Variants in CACNA2D3 observed in about 807,000 individuals in gnomAD.
CACNA2D3 encodes voltage-dependent calcium channel subunit alpha-2/delta-3.
In CACNA2D3, 60 loss-of-function variants were observed where a neutral mutation model predicts 160.6. That is an observed-to-expected ratio of 0.37 (90% CI 0.30 to 0.46). The LOEUF is 0.46. Ranked by LOEUF, CACNA2D3 falls within the 20% of genes least tolerant of loss-of-function variation. CACNA2D3 has a pLI of 1.00. For missense variants in CACNA2D3, 1,205 were observed against 1,365.0 expected, an observed-to-expected ratio of 0.88 and a Z score of 1.85; for synonymous variants, 558 against 492.9, an observed-to-expected ratio of 1.13 and a Z score of -1.75.
At chr3:54,400,269 T>C (rs1025192482) in intron 4 of CACNA2D3, among the ~76,000 whole-genome samples, 1 of 151,692 alleles carries the variant, frequency 6.6e-6, no homozygotes, top group Non-Finnish European at 1.5e-5. Flanking sequence ...TCTGTGTCGC[T>C]CACGCTGGGA....
chr3:54,755,495 T>C (rs2107076169), intron 12 of CACNA2D3, among the ~76,000 whole-genome samples: 1 of 152,340 alleles, frequency 6.6e-6, no homozygotes, highest in South Asian at 2.1e-4. Flanking sequence ...TGGAAGTTTT[T>C]AACATATCCT....
chr3:54,777,033 C>T (rs1223562814), intron 13 of CACNA2D3, among the ~76,000 whole-genome samples: 1 of 152,158 alleles, frequency 6.6e-6, no homozygotes, highest in East Asian at 1.9e-4. Context: ...CTCTTATTAC[C>T]AGCATGAAGA....
chr3:54,187,456 A>G (rs143358563), intron 2 of CACNA2D3, among the ~76,000 whole-genome samples: 14 of 152,258 alleles, frequency 9.2e-5, no homozygotes, highest in African/African-American at 2.9e-4. Context: ...CATCTGAATA[A>G]AGGAAGTAGA....
chr3:54,422,895 C>A (rs1160070170), intron 4 of CACNA2D3, among the ~76,000 whole-genome samples: 1 of 152,172 alleles, frequency 6.6e-6, no homozygotes, highest in African/African-American at 2.4e-5. Flanking sequence ...GACTAACTGC[C>A]TAAATGTTTG....
intron 3 of CACNA2D3, among the ~76,000 whole-genome samples, chr3:54,360,172 A>G (rs1229117562): frequency 6.6e-6 from 1 of 152,184 alleles, no homozygotes; most frequent in Admixed American, 6.5e-5. Context: ...CTGAAACTGC[A>G]GAGTTGGCCA....
chr3:54,968,410 G>C (rs1416992997), intron 27 of CACNA2D3, 40 bp from the exon 28 acceptor site: 4 of 1,309,304 alleles, frequency 3.1e-6, no homozygotes, highest in South Asian at 2.5e-5. Context: ...ATTGTGTAAA[G>C]GGATCACTAA....
chr3:54,278,419 T>G (rs1337513032), intron 2 of CACNA2D3, among the ~76,000 whole-genome samples: 3 of 152,292 alleles, frequency 2.0e-5, no homozygotes, highest in Non-Finnish European at 4.4e-5. Flanking sequence ...CCTGTGGAAG[T>G]CAGTGTGGTG....
rs566662166 is a variant in CACNA2D3, at chr3:54,316,742, C to T, written c.205-3700C>T. Among the ~76,000 whole-genome samples the T allele has an allele frequency of 1.4e-4, 21 of 152,268 alleles. No individual in the cohort carries two copies. The East Asian group carries it at 3.1e-3, about 22-fold the overall frequency. On this transcript the variant is annotated intron_variant, in intron 2 of 37. Coordinates refer to ENST00000474759, the MANE Select transcript of CACNA2D3 (RefSeq NM_018398.3). The stretch of plus-strand genomic sequence containing the variant: ...AAGCCAGGGGCTTCTGTTCACAGAG[C>T]AGACTCAGAAGAAAAAAGTGGGATA...
chr3:54,170,467 T>G (rs1559870802), intron 2 of CACNA2D3, among the ~76,000 whole-genome samples: 1 of 152,242 alleles, frequency 6.6e-6, no homozygotes, highest in Non-Finnish European at 1.5e-5. Context: ...TAAGTCTTAA[T>G]GGCCAGATTT....
chr3:54,723,229 C>A (rs535837358), intron 11 of CACNA2D3, among the ~76,000 whole-genome samples: 3 of 152,318 alleles, frequency 2.0e-5, no homozygotes, highest in African/African-American at 4.8e-5. Context: ...CAATGGCGGA[C>A]GTCCCTCCTC....
intron 11 of CACNA2D3, among the ~76,000 whole-genome samples, chr3:54,690,328 A>G (rs1297608957): frequency 2.0e-5 from 3 of 151,950 alleles, no homozygotes; most frequent in Non-Finnish European, 4.4e-5. Flanking sequence ...CTACTTTCTT[A>G]CATACTTTAT....
chr3:54,839,836 C>G (rs1216392924), intron 16 of CACNA2D3, among the ~76,000 whole-genome samples: 1 of 152,168 alleles, frequency 6.6e-6, no homozygotes. Context: ...TCCAATCCCT[C>G]GTTCCCCAGC....
rs1702030223 is a variant in CACNA2D3 at position 54,758,931 on chromosome 3, TA to T, written c.1247-5286del. Reference sequence around the variant, plus strand: ...CTGCCCACTGAGGACAGACTCCTGGTACCCTTGGATCTGGTCATTGCAAAGT... The same window carrying T: ...CTGCCCACTGAGGACAGACTCCTGGTCCCTTGGATCTGGTCATTGCAAAGT... On this transcript the variant is annotated intron_variant, in intron 12 of 37. Coordinates refer to ENST00000474759, the MANE Select transcript of CACNA2D3 (RefSeq NM_018398.3). Among the ~76,000 whole-genome samples, 3 of 152,218 alleles carry T rather than the reference TA, an allele frequency of 2.0e-5. No homozygotes were observed. In the South Asian group the frequency reaches 6.2e-4, roughly 32 times the overall value.
chr3:54,646,508 T>C (rs1250081163), intron 11 of CACNA2D3, among the ~76,000 whole-genome samples: 1 of 152,068 alleles, frequency 6.6e-6, no homozygotes, highest in Non-Finnish European at 1.5e-5. Context: ...TTTGGTTTTC[T>C]GTTCCTGCAT....
intron 18 of CACNA2D3, chr3:54,877,161 T>C (rs556165396): frequency 3.3e-5 from 5 of 152,124 alleles, no homozygotes; most frequent in Admixed American, 6.5e-5. Context: ...TCTACTAAAA[T>C]AGGAGATAGA....
intron 4 of CACNA2D3, among the ~76,000 whole-genome samples, chr3:54,439,093 A>G (rs565667141): frequency 1.3e-5 from 2 of 152,282 alleles, no homozygotes; most frequent in East Asian, 3.9e-4. Flanking sequence ...CAGCAGCTGT[A>G]AAAGCAGCCT....
chr3:54,858,272 T>C (rs1699214158), intron 17 of CACNA2D3, among the ~76,000 whole-genome samples: 1 of 152,152 alleles, frequency 6.6e-6, no homozygotes, highest in East Asian at 1.9e-4. Context: ...CCTAGCCCTA[T>C]TGCAAGGCTG....
intron 10 of CACNA2D3, among the ~76,000 whole-genome samples, chr3:54,641,889 T>G (rs1699528722): frequency 6.6e-6 from 1 of 152,194 alleles, no homozygotes; most frequent in African/African-American, 2.4e-5. Flanking sequence ...TGGCCAACAG[T>G]AAGGTCTGTT....
intron 3 of CACNA2D3, among the ~76,000 whole-genome samples, chr3:54,386,243 G>A (rs907737035): frequency 6.6e-6 from 1 of 152,166 alleles, no homozygotes; most frequent in African/African-American, 2.4e-5. Context: ...TTAGAACTGG[G>A]TACAGAAAGA....
Sources: gnomAD v4.1 joint callset for allele counts (sites outside exome capture counted in the v4.1 genomes callset) on GRCh38, gnomAD v4.1.1 for gene constraint, MANE v1.5 for transcripts, NCBI Gene and HGNC (gene_info 2026-07-23, HGNC 2026-07-21) for gene names.